SMARCD3: variants seen among roughly 807,000 people sequenced by gnomAD.
The protein encoded by SMARCD3 is SWI/SNF-related matrix-associated actin-dependent regulator of chromatin subfamily D member 3.
A neutral mutation model predicts 58.0 loss-of-function variants in SMARCD3; 14 were observed. The ratio of observed to expected loss-of-function variants is 0.24; its 90% CI spans 0.16 to 0.38. SMARCD3 has a LOEUF of 0.38. SMARCD3 is among the 10% of genes least tolerant of loss of function. SMARCD3 has a pLI of 1.00. For missense variants in SMARCD3, 408 were observed against 636.9 expected (o/e 0.64, Z 3.87); for synonymous variants, 253 against 253.8 (o/e 1.00, Z 0.03).
chr7:151,268,481 T>C (rs1205841501), intron 2 of SMARCD3, among the ~76,000 whole-genome samples: 5 of 152,096 alleles, frequency 3.3e-5, no homozygotes, highest in African/African-American at 1.2e-4. Context: ...ATAAATGGCC[T>C]TTGACCTTGA....
chr7:151,243,209 G>T lies in SMARCD3; in HGVS notation c.334-366C>A, dbSNP rs1803085725. ...GGCCCCTGCAAAGTGCCTAGTAGGG[G>T]CTCAATCCCTGAGACAGTTGGACAG... On this transcript the variant is annotated intron_variant, in intron 3 of 12. Transcript: ENST00000262188. This position sits in a 1 kb window ranked among gnomAD's most constrained non-coding sequence, Gnocchi z 4.4. Among the ~76,000 whole-genome samples, 1 of 152,176 alleles carries T rather than the reference G, an allele frequency of 6.6e-6. No individual in the cohort carries two copies. Among genetic ancestry groups the T allele is most frequent in the Non-Finnish European group, 1.5e-5 (1 of 68,028 alleles).
At chr7:151,258,842 C>G (rs1442651896) in intron 2 of SMARCD3, among the ~76,000 whole-genome samples, 1 of 152,118 alleles carries the variant, frequency 6.6e-6, no homozygotes, top group African/African-American at 2.4e-5. Flanking sequence ...TGGCAATCTA[C>G]ATGGCGGACT....
rs978972774 is a variant in SMARCD3 at position 151,239,003 on chromosome 7, A to G, written c.*100T>C. ...GATGAATGACTTTTAATCCAGCCCC[A>G]CACCCCAAGGTGGCAGAGGAGTGAT... is the stretch of plus-strand genomic sequence containing the variant. On this transcript the variant is annotated 3_prime_UTR_variant, in exon 13 of 13. Transcript: ENST00000262188. The surrounding 1 kb of genome is among the most constrained non-coding windows in gnomAD (Gnocchi z 7.0). 2.3e-6 allele frequency: 3 copies of G among 1,279,916 alleles called. No individual in the cohort carries two copies. The South Asian group carries it at 3.6e-5, about 15-fold the overall frequency. 79.3% of individuals were successfully genotyped at this position (1,279,916 alleles called of 1,614,324 possible).
chr7:151,241,551 T>C lies in SMARCD3; in HGVS notation c.880A>G (p.Asn294Asp). 2 of 1,611,968 alleles carry C rather than the reference T, an allele frequency of 1.2e-6. No homozygotes were observed. Among genetic ancestry groups the C allele is most frequent in the Non-Finnish European group, 1.7e-6 (2 of 1,179,102 alleles). ...TTGTCATGGGAGTCCTGCAGCCTGT[T>C]GGTCTTCACATACTGCCACAGGGCC... ...VQALWQYVKT[N>D]RLQDSHDKEY... The change falls in exon 8 of 13, where the codon AAC becomes GAC. Residue 294 changes from asparagine to aspartate, a missense_variant. Physicochemically the swap from Asn to Asp is conservative, Grantham distance 23. Coordinates refer to ENST00000262188, the MANE Select transcript of SMARCD3 (RefSeq NM_001003801.2). The surrounding 1 kb of genome is among the most constrained non-coding windows in gnomAD (Gnocchi z 5.3).
chr7:151,242,655 C>G lies in SMARCD3; in HGVS notation c.457-52G>C. 1 of 1,612,276 alleles carries G rather than the reference C, an allele frequency of 6.2e-7. No individual in the cohort carries two copies. The highest frequency in any genetic ancestry group is 8.5e-7 in the Non-Finnish European group (1 of 1,178,454). On this transcript the variant is annotated intron_variant, in intron 4 of 12. Coordinates refer to ENST00000262188, the MANE Select transcript of SMARCD3 (RefSeq NM_001003801.2). This position sits in a 1 kb window ranked among gnomAD's most constrained non-coding sequence, Gnocchi z 4.7. ...CGAATGCTGTGTGCTCCCACCCCGA[C>G]CACCCTGCTTCCCCATCCTGGTCAC...
chr7:151,256,365 T>C (rs989805713), intron 2 of SMARCD3, among the ~76,000 whole-genome samples: 12 of 151,682 alleles, frequency 7.9e-5, no homozygotes, highest in Non-Finnish European at 1.5e-4. Context: ...GAGACAGGGT[T>C]TCACCATGTT....
upstream of SMARCD3, among the ~76,000 whole-genome samples, chr7:151,250,950 G>A (rs1456682653): frequency 1.3e-5 from 2 of 152,216 alleles, no homozygotes; most frequent in African/African-American, 2.4e-5. Flanking sequence ...GTCTAGCAGG[G>A]GCATGGGAAA....
Position 151,240,068 on chromosome 7 carries a change from TCTCTGGGTTAATGTCCCACTCCAG to T in SMARCD3, c.1173+20_1173+43del. The stretch of plus-strand genomic sequence containing the variant: ...GGTCTCAGAAAAGTCTCCTCTATCA[TCTCTGGGTTAATGTCCCACTCCAG>T]CTCTGGGCTTGGGCCCCACCTTACT... On this transcript the variant is annotated intron_variant, in intron 10 of 12. Coordinates refer to ENST00000262188, the MANE Select transcript of SMARCD3 (RefSeq NM_001003801.2). The T allele has an allele frequency of 6.2e-7, 1 of 1,602,494 alleles. No individual in the cohort carries two copies. The highest frequency in any genetic ancestry group is 8.5e-7 in the Non-Finnish European group (1 of 1,173,660).
At chr7:151,247,863 C>T (rs1803347108) in intron 1 of SMARCD3, among the ~76,000 whole-genome samples, 1 of 152,174 alleles carries the variant, frequency 6.6e-6, no homozygotes, top group African/African-American at 2.4e-5. Flanking sequence ...GAGTTAAGGA[C>T]ATCAGCTTCT....
Position 151,242,000 on chromosome 7 carries a change from T to G in SMARCD3, c.676-22A>C. On this transcript the variant is annotated intron_variant, in intron 6 of 12. Transcript: ENST00000262188. The surrounding 1 kb of genome is among the most constrained non-coding windows in gnomAD (Gnocchi z 5.3). ...GCCACTGTCCAGGAGAGAAGAGCTG[T>G]GTCTCCCAAAGGCCCATCTGGAGTG... The G allele has an allele frequency of 6.2e-7, 1 of 1,602,732 alleles. No homozygotes were observed. Among genetic ancestry groups the G allele is most frequent in the Non-Finnish European group, 8.5e-7 (1 of 1,171,822 alleles).
At chr7:151,275,549 G>A (rs1000710301) in intron 1 of SMARCD3, among the ~76,000 whole-genome samples, 10 of 152,204 alleles carry the variant, frequency 6.6e-5, no homozygotes, top group Non-Finnish European at 1.5e-4. Context: ...CCTGACTGGA[G>A]AGGCCAGTTT....
At chr7:151,271,999 C>A (rs1307133840) in intron 2 of SMARCD3, among the ~76,000 whole-genome samples, 1 of 152,182 alleles carries the variant, frequency 6.6e-6, no homozygotes, top group Non-Finnish European at 1.5e-5. Context: ...GGTAGCAATG[C>A]ATTCCTCTAG....
At chr7:151,252,015 G>C (rs1217547968), upstream of SMARCD3, among the ~76,000 whole-genome samples, 1 of 151,710 alleles carries the variant, frequency 6.6e-6, no homozygotes, top group Non-Finnish European at 1.5e-5. Context: ...GTCAGCCCGG[G>C]GCCCAGCTGC....
rs1648501821 is a variant in SMARCD3 at position 151,255,457 on chromosome 7, T to A, written c.40-9786A>T. ...CTTACCCCCAGCTAGGGAGGCTTCC[T>A]TTGTGCGGATTCTGGCTCCTGGCTC... On this transcript the variant is annotated intron_variant, in intron 2 of 13. Transcript: ENST00000356800. 2.0e-5 allele frequency among the ~76,000 whole-genome samples: 3 copies of A among 152,162 alleles called. No individual in the cohort carries two copies. The South Asian group carries it at 6.2e-4, about 32-fold the overall frequency.
At chr7:151,255,719 C>T (rs1803677276) in intron 2 of SMARCD3, among the ~76,000 whole-genome samples, 1 of 152,102 alleles carries the variant, frequency 6.6e-6, no homozygotes, top group Admixed American at 6.6e-5. Flanking sequence ...TCACCCTGTC[C>T]AGCTCCCTGA....
upstream of SMARCD3, chr7:151,249,042 A>T (rs368982530): frequency 6.6e-6 from 1 of 151,612 alleles, no homozygotes; most frequent in Non-Finnish European, 1.5e-5. The surrounding 1 kb of genome is among the most constrained non-coding windows in gnomAD (Gnocchi z 4.8). Context: ...TCTCGCCACA[A>T]ATAGTTTCTC....
chr7:151,272,459 C>T (rs915321468), intron 2 of SMARCD3, among the ~76,000 whole-genome samples: 5 of 152,154 alleles, frequency 3.3e-5, no homozygotes, highest in African/African-American at 1.2e-4. Flanking sequence ...CTTCCTCTCC[C>T]TCCCTTATGG....
At chr7:151,259,848 G>T (rs1391728942) in intron 2 of SMARCD3, among the ~76,000 whole-genome samples, 1 of 151,338 alleles carries the variant, frequency 6.6e-6, no homozygotes, top group African/African-American at 2.4e-5. Context: ...GACCTCACAT[G>T]ATCCACCCAC....
At chr7:151,240,583 G>T in intron 8 of SMARCD3, 61 bp from the exon 9 acceptor site, 3 of 1,243,224 alleles carry the variant, frequency 2.4e-6, no homozygotes, top group Non-Finnish European at 2.3e-6. Context: ...TCATGCAGTT[G>T]TAGATCCTTT....
Sources: allele counts gnomAD v4.1 joint callset (sites outside exome capture counted in the v4.1 genomes callset), GRCh38; gene constraint gnomAD v4.1.1; non-coding constraint Gnocchi (gnomAD v3.1); transcripts MANE v1.5; gene names NCBI Gene and HGNC (gene_info 2026-07-23, HGNC 2026-07-21).